The following ATG16L2 variants were observed in gnomAD, a reference collection of about 807,000 sequenced individuals.
ATG16L2 encodes the protein protein Atg16l2.
In ATG16L2, 77 loss-of-function variants were observed where a neutral mutation model predicts 84.7. That is an observed-to-expected ratio of 0.91 (90% CI 0.76 to 1.10). ATG16L2 has a LOEUF of 1.10. Ranked by LOEUF, ATG16L2 falls within the 50% of genes least tolerant of loss-of-function variation. The pLI is 0.00. For synonymous variants in ATG16L2, 361 were observed against 342.8 expected (o/e 1.05, Z -0.59); for missense variants, 782 against 817.6 (o/e 0.96, Z 0.53).
chr11:72,814,615 G>A, intron 1 of ATG16L2, 52 bp downstream of exon 1: 1 of 1,452,474 alleles, frequency 6.9e-7, no homozygotes, highest in Non-Finnish European at 9.3e-7. Context: ...CGCGGCTACG[G>A]GCGCGGGGAG....
chr11:72,822,653 C>T lies in ATG16L2; in HGVS notation c.710+110C>T, dbSNP rs1860081335. 1.4e-6 allele frequency: 2 copies of T among 1,437,438 alleles called. No individual in the cohort carries two copies. The highest frequency in any genetic ancestry group is 1.9e-6 in the Non-Finnish European group (2 of 1,059,714). 89.0% of individuals were successfully genotyped at this position (1,437,438 alleles called of 1,614,324 possible). A position where few individuals can be genotyped will look rare whatever the true frequency, so the allele number is the denominator to read the frequency against. ...TTGTGCACAGCCCCGTCCTGAGGCCCCCATGTGGTCGGAGCCCACGAGACA... is the reference window on the plus strand; with the variant it reads ...TTGTGCACAGCCCCGTCCTGAGGCCTCCATGTGGTCGGAGCCCACGAGACA... On this transcript the variant is annotated intron_variant, in intron 6 of 17. Transcript: ENST00000321297. This position sits in a 1 kb window ranked among gnomAD's most constrained non-coding sequence, Gnocchi z 4.2.
At chr11:72,831,937 C>G (rs377168281), downstream of ATG16L2, among the ~76,000 whole-genome samples, 1 of 152,204 alleles carries the variant, frequency 6.6e-6, no homozygotes, top group African/African-American at 2.4e-5. Flanking sequence ...GGGGCATGCC[C>G]CCTCCCCCAG....
At chr11:72,828,589 A>G in intron 15 of ATG16L2, 81 bp downstream of exon 15, 1 of 1,599,128 alleles carries the variant, frequency 6.3e-7, no homozygotes, top group Non-Finnish European at 8.5e-7. Context: ...ACCCTCTTGG[A>G]GCCCTCCCTG....
rs1159876668 is a variant in ATG16L2, at chr11:72,829,358, G to A, written c.1828G>A (p.Asp610Asn). The change falls in exon 18 of 18, where the codon GAC becomes AAC. Residue 610 changes from aspartate (D) to asparagine (N), a missense_variant. Coordinates refer to ENST00000321297, the MANE Select transcript of ATG16L2 (RefSeq NM_033388.2). ...CTCCGGGAGCCACATGGTGAGCGTG[G>A]ACCAGGGCAGGAAGGTTGTGCTCTG... ...CYSGSHMVSV[D>N]QGRKVVLWQ The A allele has an allele frequency of 6.2e-7, 1 of 1,612,552 alleles. No individual in the cohort carries two copies. The highest frequency in any genetic ancestry group is 8.5e-7 in the Non-Finnish European group (1 of 1,179,796).
At chr11:72,828,681 G>A in intron 15 of ATG16L2, 48 bp from the exon 16 acceptor site, 1 of 1,610,944 alleles carries the variant, frequency 6.2e-7, no homozygotes, top group Non-Finnish European at 8.5e-7. Context: ...GCAGAGGGCA[G>A]AGACTAGTGA....
At chr11:72,841,340 C>CAAAAA (rs59748827) in intron 5 of ATG16L2, 141 of 373,768 alleles carry the variant, frequency 3.8e-4, no homozygotes, top group East Asian at 1.0e-3. Context: ...ACTCTGTCTC[C>CAAAAA]AAAAAAAAAA....
rs894584141 is a variant in ATG16L2 at position 72,824,553 on chromosome 11, C to T, written c.888-181C>T. The T allele has an allele frequency of 5.5e-5, 34 of 619,364 alleles. 1 individual carries two copies. The highest frequency in any genetic ancestry group is 1.5e-4 in the Admixed American group (6 of 38,730). The allele number at this position is 619,364 out of a possible 1,614,324, so 38.4% of individuals were successfully genotyped here. ...GTCTGCCTCTGTGTGCTCCCCACCC[C>T]GTCTCCACACCAACCCCTGGGGTCG... On this transcript the variant is annotated intron_variant, in intron 8 of 17. Transcript: ENST00000321297.
chr11:72,821,627 G>C, intron 3 of ATG16L2, 41 bp from the exon 4 acceptor site: 2 of 1,519,598 alleles, frequency 1.3e-6, no homozygotes, highest in Admixed American at 2.1e-5. Flanking sequence ...TGGAGGCCTG[G>C]AGGGGCCTCA....
At chr11:72,842,735 A>C in exon 6 of ATG16L2, 2 of 1,613,982 alleles carry the variant, frequency 1.2e-6, no homozygotes, top group Non-Finnish European at 8.5e-7. Flanking sequence ...AGAAGCCATC[A>C]TCATCTTGGT....
downstream of ATG16L2, among the ~76,000 whole-genome samples, chr11:72,831,253 T>C (rs1387553229): frequency 6.6e-6 from 1 of 152,204 alleles, no homozygotes; most frequent in African/African-American, 2.4e-5. Context: ...ACGCCTGTAA[T>C]CCCAGCACTT....
chr11:72,842,395 A>G (rs888162872), intron 5 of ATG16L2, among the ~76,000 whole-genome samples: 3 of 152,236 alleles, frequency 2.0e-5, no homozygotes, highest in African/African-American at 7.2e-5. Flanking sequence ...CAATTCAAGG[A>G]AGAGAGAGAA....
At chr11:72,827,579 GA>G (rs1293138184) in intron 14 of ATG16L2, among the ~76,000 whole-genome samples, 1 of 152,138 alleles carries the variant, frequency 6.6e-6, no homozygotes, top group Admixed American at 6.5e-5. Flanking sequence ...ATATCAAAAG[GA>G]AAAAAATTCT....
At position 72,822,978 on chromosome 11, in the gene ATG16L2, C is replaced by CA; in HGVS notation, c.824+18dup. ...GCCCTTCAGGTGAGGACCCAGGTGA[C>CA]AGTCTCAGAGCTCTGAGCTGAGCCC... On this transcript the variant is annotated intron_variant, in intron 7 of 17. Coordinates refer to ENST00000321297, the MANE Select transcript of ATG16L2 (RefSeq NM_033388.2). This position sits in a 1 kb window ranked among gnomAD's most constrained non-coding sequence, Gnocchi z 4.2. 2 of 1,530,118 alleles carry CA rather than the reference C, an allele frequency of 1.3e-6. No homozygotes were observed. The highest frequency in any genetic ancestry group is 8.9e-7 in the Non-Finnish European group (1 of 1,127,598). 94.8% of individuals were successfully genotyped at this position (1,530,118 alleles called of 1,614,324 possible).
chr11:72,841,179 C>CA (rs2135150219), intron 5 of ATG16L2, among the ~76,000 whole-genome samples: 1 of 151,516 alleles, frequency 6.6e-6, no homozygotes, highest in Admixed American at 6.6e-5. Context: ...AGAAAAAATA[C>CA]AAAAATTAGC....
chr11:72,835,367 T>TGAG (rs1302978472), intron 5 of ATG16L2, among the ~76,000 whole-genome samples: 1 of 152,020 alleles, frequency 6.6e-6, no homozygotes, highest in Non-Finnish European at 1.5e-5. Flanking sequence ...GGAAGGACAC[T>TGAG]GAGAAGAGGC....
At chr11:72,823,659 A>T in intron 7 of ATG16L2, 1 of 453,538 alleles carries the variant, frequency 2.2e-6, no homozygotes, top group South Asian at 1.6e-5. Context: ...AAGTCATTGT[A>T]GGACACACCC....
intron 5 of ATG16L2, chr11:72,838,796 C>A: frequency 5.6e-6 from 9 of 1,600,898 alleles, no homozygotes; most frequent in Non-Finnish European, 7.7e-6. Context: ...CATCATCACA[C>A]CAGTGTGATT....
At chr11:72,827,155 C>CT in intron 13 of ATG16L2, 33 bp from the exon 14 acceptor site, 1 of 1,571,502 alleles carries the variant, frequency 6.4e-7, no homozygotes, top group African/African-American at 1.3e-5. Context: ...CAACCCTCCT[C>CT]TGAGGCCCTG....
rs771800342 is a variant in ATG16L2 at position 72,829,355 on chromosome 11, G to T, written c.1825G>T (p.Val609Leu). Residue 609 changes from valine to leucine, a missense_variant, in exon 18 of 18, where the codon GTG (valine) becomes TTG (leucine). Val to Leu is a conservative substitution (Grantham distance 32, BLOSUM62 1). Coordinates refer to ENST00000321297, the MANE Select transcript of ATG16L2 (RefSeq NM_033388.2). ...WCYSGSHMVS[V>L]DQGRKVVLWQ ...CTACTCCGGGAGCCACATGGTGAGC[G>T]TGGACCAGGGCAGGAAGGTTGTGCT... 6.2e-7 allele frequency: 1 copy of T among 1,612,724 alleles called. No homozygotes were observed. The highest frequency in any genetic ancestry group is 1.7e-5 in the Admixed American group (1 of 60,012).
Sources: allele counts gnomAD v4.1 joint callset (sites outside exome capture counted in the v4.1 genomes callset), GRCh38; gene constraint gnomAD v4.1.1; non-coding constraint Gnocchi (gnomAD v3.1); transcripts MANE v1.5; gene names NCBI Gene and HGNC (gene_info 2026-07-23, HGNC 2026-07-21).